ZNF454: variants seen among roughly 807,000 people sequenced by gnomAD.
ZNF454 encodes the protein zinc finger protein 454.
Under a neutral mutation model 48.2 loss-of-function variants are expected in ZNF454, and 30 were observed. The observed-to-expected ratio is 0.62, with a 90% CI of 0.47 to 0.84. The LOEUF (loss-of-function observed/expected upper bound fraction) is 0.84, where lower values mean the gene tolerates loss of function less well. Ranked by LOEUF, ZNF454 falls within the 40% of genes least tolerant of loss-of-function variation. The probability of loss-of-function intolerance (pLI) is 0.00; values close to 1 mark genes in which losing one functional copy is unlikely to be tolerated. For missense variants in ZNF454, 510 were observed against 623.1 expected (o/e 0.82, Z 1.93); for synonymous variants, 204 against 211.4 (o/e 0.97, Z 0.30).
At chr5:178,984,289 A>G in the ZNF454 span, among the ~76,000 whole-genome samples, 3 of 151,586 alleles carry the variant, frequency 2.0e-5, no homozygotes, top group African/African-American at 7.3e-5. Flanking sequence ...GGAGCGAGCG[A>G]GCACGCCTCA....
chr5:178,947,750 C>G (rs1759394706), intron 4 of ZNF454, among the ~76,000 whole-genome samples: 1 of 152,036 alleles, frequency 6.6e-6, no homozygotes, highest in African/African-American at 2.4e-5. Context: ...GTAGCGTCTC[C>G]CTGTCAGCTA....
chr5:178,975,994 T>C, the ZNF454 span: 2 of 377,542 alleles, frequency 5.3e-6, no homozygotes, highest in Non-Finnish European at 1.1e-5. Flanking sequence ...TGCTCCACTC[T>C]GCTGCCTTCC....
At chr5:178,987,174 A>C in the ZNF454 span, 1 of 706,436 alleles carries the variant, frequency 1.4e-6, no homozygotes, top group Non-Finnish European at 2.5e-6. Flanking sequence ...GAACCAGAAA[A>C]TAACGAGTGT....
At chr5:178,968,824 C>T (rs958082820), downstream of ZNF454, 2 of 456,724 alleles carry the variant, frequency 4.4e-6, no homozygotes, top group Admixed American at 2.3e-5. Flanking sequence ...TTGGTATGTG[C>T]CTACCGTTGA....
At chr5:178,983,156 C>T in the ZNF454 span, 1 of 1,613,844 alleles carries the variant, frequency 6.2e-7, no homozygotes, top group East Asian at 2.2e-5. Context: ...CCACCGTCCG[C>T]TGTTCCTCAT....
chr5:178,967,369 T>C (rs1174321962), downstream of ZNF454, among the ~76,000 whole-genome samples: 1 of 152,222 alleles, frequency 6.6e-6, no homozygotes, highest in Non-Finnish European at 1.5e-5. Flanking sequence ...GGCTGTACAG[T>C]CCACTGTGTC....
At chr5:178,987,287 T>G in the ZNF454 span, 1 of 550,010 alleles carries the variant, frequency 1.8e-6, no homozygotes, top group Non-Finnish European at 3.5e-6. Context: ...ATTAAACACA[T>G]GACCCAGCAG....
chr5:178,946,209 A>C lies in ZNF454; in HGVS notation c.34-150A>C. On this transcript the variant is annotated intron_variant, in intron 2 of 4. Coordinates refer to ENST00000519564, the MANE Select transcript of ZNF454 (RefSeq NM_001178089.3). This position sits in a 1 kb window ranked among gnomAD's most constrained non-coding sequence, Gnocchi z 4.5. ...AAGGCTAGGCCCCTAGGAGACCCTG[A>C]AGAGTGATGAACTTGTCACAGAACG... 1 of 970,456 alleles carries C rather than the reference A, an allele frequency of 1.0e-6. No individual in the cohort carries two copies. The highest frequency in any genetic ancestry group is 1.5e-6 in the Non-Finnish European group (1 of 658,766). 60.1% of individuals were successfully genotyped at this position (970,456 alleles called of 1,614,324 possible).
the ZNF454 span, chr5:178,983,063 G>C: frequency 6.2e-7 from 1 of 1,614,226 alleles, no homozygotes; most frequent in Non-Finnish European, 8.5e-7. Flanking sequence ...ACGTGACCAT[G>C]AGCAGGAGGC....
In ZNF454 at chr5:178,965,999, C is replaced by A. The variant is rs1760141342; in HGVS notation, c.*26C>A. The A allele has an allele frequency of 6.7e-7, 1 of 1,485,976 alleles. No homozygotes were observed. Among genetic ancestry groups the A allele is most frequent in the East Asian group, 2.3e-5 (1 of 44,030 alleles). The allele number at this position is 1,485,976 out of a possible 1,614,324, so 92.0% of individuals were successfully genotyped here. A position where few individuals can be genotyped will look rare whatever the true frequency, so the allele number is the denominator to read the frequency against. On this transcript the variant is annotated 3_prime_UTR_variant, in exon 5 of 5. Transcript: ENST00000519564. This position sits in a 1 kb window ranked among gnomAD's most constrained non-coding sequence, Gnocchi z 5.2. The stretch of plus-strand genomic sequence containing the variant: ...TATGAATGCAGTTTGTATGGAAGAC[C>A]TTTGAGACTGAGTAGATGAATTATT...
chr5:178,947,030 G>A, intron 4 of ZNF454, 44 bp downstream of exon 4: 1 of 1,549,916 alleles, frequency 6.5e-7, no homozygotes, highest in Non-Finnish European at 8.9e-7. Flanking sequence ...AGCCCTGCTG[G>A]GTAGGGAAGG....
At chr5:178,981,010 G>A in the ZNF454 span, 557 of 153,728 alleles carry the variant, frequency 3.6e-3, 6 homozygotes, top group South Asian at 5.3e-3. The surrounding 1 kb of genome is among the most constrained non-coding windows in gnomAD (Gnocchi z 5.1). Flanking sequence ...GCCCAATCCC[G>A]GGGGGATGGG....
the ZNF454 span, chr5:178,989,382 G>C: frequency 6.2e-7 from 1 of 1,613,984 alleles, no homozygotes. Context: ...TCCAGGGATC[G>C]AGTCATGAAG....
rs1444745697 is a variant in ZNF454 at position 178,946,518 on chromosome 5, T to C, written c.160+33T>C. On this transcript the variant is annotated intron_variant, in intron 3 of 4. Transcript: ENST00000519564. The surrounding 1 kb of genome is among the most constrained non-coding windows in gnomAD (Gnocchi z 4.5). ...GGACCCCTGCAAGGTTTCTCTTCACTTTTGGGGATCTCTTTGGGACCCTTA... is the reference window on the plus strand; with the variant it reads ...GGACCCCTGCAAGGTTTCTCTTCACCTTTGGGGATCTCTTTGGGACCCTTA... The C allele has an allele frequency of 1.3e-6, 2 of 1,571,594 alleles. No homozygotes were observed. The highest frequency in any genetic ancestry group is 1.7e-6 in the Non-Finnish European group (2 of 1,163,916).
downstream of ZNF454, among the ~76,000 whole-genome samples, chr5:178,968,144 C>T (rs1760194801): frequency 2.0e-5 from 3 of 151,432 alleles, no homozygotes; most frequent in Non-Finnish European, 1.5e-5. Flanking sequence ...CACACACAGC[C>T]TCTGAGGGCC....
At chr5:178,958,254 A>G (rs1759857809) in intron 4 of ZNF454, among the ~76,000 whole-genome samples, 1 of 152,168 alleles carries the variant, frequency 6.6e-6, no homozygotes, top group Non-Finnish European at 1.5e-5. Flanking sequence ...CCTTGTAACC[A>G]CCCAGTCCCC....
chr5:178,989,029 C>T, the ZNF454 span: 1 of 1,614,092 alleles, frequency 6.2e-7, no homozygotes, highest in Non-Finnish European at 8.5e-7. Flanking sequence ...GGCAGAGCGC[C>T]TGGTGCATGC....
rs781541435 is a variant in ZNF454, at chr5:178,946,482, C to G, written c.157C>G (p.Leu53Val). The G allele has an allele frequency of 1.7e-5, 27 of 1,596,440 alleles. No homozygotes were observed. Among genetic ancestry groups the G allele is most frequent in the Non-Finnish European group, 2.3e-5 (27 of 1,175,050 alleles). ...GGAGAACTACAGCAACCTGGTCTCA[C>G]TGGGTAAGTGGGACCCCTGCAAGGT... ...MLENYSNLVS[L>V]GLLGPKPDTF... is the part of the protein sequence containing the mutation. The change falls in exon 3 of 5, where the codon CTG (leucine) becomes GTG (valine). Residue 53 changes from leucine (L) to valine (V), a missense_variant. This residue lies in a region of ZNF454 where 354 missense variants were observed against 408.9 expected (regional missense o/e 0.87). Coordinates refer to ENST00000519564, the MANE Select transcript of ZNF454 (RefSeq NM_001178089.3). The surrounding 1 kb of genome is among the most constrained non-coding windows in gnomAD (Gnocchi z 4.5).
chr5:178,950,706 A>G (rs993346831), intron 4 of ZNF454, among the ~76,000 whole-genome samples: 1 of 151,938 alleles, frequency 6.6e-6, no homozygotes, highest in Non-Finnish European at 1.5e-5. Context: ...TTTATTCTTT[A>G]GCTTTATCTT....
Sources: allele counts gnomAD v4.1 joint callset (sites outside exome capture counted in the v4.1 genomes callset), GRCh38; gene constraint gnomAD v4.1.1; regional missense constraint gnomAD v4.1.1; non-coding constraint Gnocchi (gnomAD v3.1); transcripts MANE v1.5; gene names NCBI Gene and HGNC (gene_info 2026-07-23, HGNC 2026-07-21).